MAU2: variants seen among roughly 807,000 people sequenced by gnomAD.
MAU2 encodes MAU2 chromatid cohesion factor homolog.
MAU2 carries 9 observed loss-of-function variants against 89.1 expected under a neutral mutation model. The ratio of observed to expected loss-of-function variants is 0.10; its 90% CI spans 0.06 to 0.18. MAU2 has a LOEUF of 0.18. Ranked by LOEUF, MAU2 falls within the 10% of genes least tolerant of loss-of-function variation. MAU2 has a pLI of 1.00. For missense variants in MAU2, 425 were observed against 803.5 expected, an observed-to-expected ratio of 0.53 and a Z score of 5.69; for synonymous variants, 357 against 343.4, an observed-to-expected ratio of 1.04 and a Z score of -0.44.
chr19:19,346,499 G>A (rs1235592679), intron 12 of MAU2, among the ~76,000 whole-genome samples: 13 of 151,998 alleles, frequency 8.6e-5, no homozygotes, highest in Non-Finnish European at 1.8e-4. Context: ...AAACACACAC[G>A]CCTCCTGTGG....
intron 1 of MAU2, among the ~76,000 whole-genome samples, chr19:19,326,254 A>T (rs1402443875): frequency 6.6e-6 from 1 of 151,950 alleles, no homozygotes; most frequent in Non-Finnish European, 1.5e-5. Flanking sequence ...AGAATCATCC[A>T]TTAAATGTCC....
At chr19:19,338,969 G>A (rs915182763) in intron 5 of MAU2, 30 bp downstream of exon 5, 2 of 1,572,186 alleles carry the variant, frequency 1.3e-6, no homozygotes, top group Non-Finnish European at 1.7e-6. Flanking sequence ...CTTCCCTCCT[G>A]CTCTGTTAAC....
At position 19,329,354 on chromosome 19, in the gene MAU2, G is replaced by A. The variant is rs551520707; in HGVS notation, c.277-6364G>A. Among the ~76,000 whole-genome samples the A allele has an allele frequency of 2.0e-5, 3 of 152,240 alleles. No individual in the cohort carries two copies. In the East Asian group the frequency reaches 5.8e-4, roughly 29 times the overall value. ...CCTCTGACTTCAGGATGTGAAATCT[G>A]TTTAGGAACCATCACCTCACGGTTC... On this transcript the variant is annotated intron_variant, in intron 1 of 18. Transcript: ENST00000262815.
chr19:19,345,438 G>T lies in MAU2; in HGVS notation c.1221+69G>T. 1.3e-6 allele frequency: 2 copies of T among 1,494,890 alleles called. No homozygotes were observed. The highest frequency in any genetic ancestry group is 1.4e-5 in the African/African-American group (1 of 72,674). 92.6% of individuals were successfully genotyped at this position (1,494,890 alleles called of 1,614,324 possible). A position where few individuals can be genotyped will look rare whatever the true frequency, so the allele number is the denominator to read the frequency against. Reference sequence around the variant, plus strand: ...CTGAGTAAGGAGTCGGGCGTGGTCTGTGATGAGGACAGCAGTCGCGCTAGG... The same window carrying T: ...CTGAGTAAGGAGTCGGGCGTGGTCTTTGATGAGGACAGCAGTCGCGCTAGG... On this transcript the variant is annotated intron_variant, in intron 12 of 18. Coordinates refer to ENST00000262815, the MANE Select transcript of MAU2 (RefSeq NM_015329.4). This position sits in a 1 kb window ranked among gnomAD's most constrained non-coding sequence, Gnocchi z 4.9.
At chr19:19,323,550 C>T (rs529709577) in intron 1 of MAU2, among the ~76,000 whole-genome samples, 9 of 152,034 alleles carry the variant, frequency 5.9e-5, no homozygotes, top group South Asian at 4.2e-4. Context: ...TCCATCACCC[C>T]GGCTGGGGTG....
At chr19:19,348,818 C>T in intron 13 of MAU2, 71 bp from the exon 14 acceptor site, 2 of 1,508,496 alleles carry the variant, frequency 1.3e-6, no homozygotes, top group South Asian at 2.2e-5. Context: ...TTCCCATGCA[C>T]TGCAGTGTGT....
At chr19:19,326,734 A>ATATATATATACACATATATATATGTG (rs1599889410) in intron 1 of MAU2, among the ~76,000 whole-genome samples, 4 of 128,034 alleles carry the variant, frequency 3.1e-5, no homozygotes, top group African/African-American at 1.1e-4. Flanking sequence ...ATATATATAT[A>ATATATATATACACATATATATATGTG]TACACAAAAA....
rs930421733 is a variant in MAU2, at chr19:19,350,703, A to C, written c.1548+1267A>C. 3.3e-5 allele frequency among the ~76,000 whole-genome samples: 5 copies of C among 151,720 alleles called. No individual in the cohort carries two copies. The South Asian group carries it at 6.2e-4, about 19-fold the overall frequency. On this transcript the variant is annotated intron_variant, in intron 16 of 18. Transcript: ENST00000262815. ...ATCACAAGGTCAGGAGATCGAGACCATCCTGGCTAACACGGTGAAACCCCG... is the reference window on the plus strand; with the variant it reads ...ATCACAAGGTCAGGAGATCGAGACCCTCCTGGCTAACACGGTGAAACCCCG...
intron 10 of MAU2, 171 bp from the exon 11 acceptor site, chr19:19,344,678 G>C: frequency 1.6e-6 from 1 of 634,430 alleles, no homozygotes; most frequent in Non-Finnish European, 2.9e-6. Flanking sequence ...TCCACGATGG[G>C]ATCTGGGCTG....
chr19:19,322,810 A>G (rs1439908154), intron 1 of MAU2, among the ~76,000 whole-genome samples: 1 of 152,194 alleles, frequency 6.6e-6, no homozygotes, highest in Non-Finnish European at 1.5e-5. Flanking sequence ...CTCAGCTAGT[A>G]ACAACTTGCC....
intron 1 of MAU2, among the ~76,000 whole-genome samples, chr19:19,327,041 G>T (rs1433970045): frequency 6.6e-6 from 1 of 150,838 alleles, no homozygotes; most frequent in African/African-American, 2.4e-5. Flanking sequence ...TAAACTCCGG[G>T]CCTCAAGCAA....
chr19:19,335,921 T>G (rs79055844), intron 2 of MAU2, among the ~76,000 whole-genome samples, 186 bp downstream of exon 2: 4 of 152,120 alleles, frequency 2.6e-5, no homozygotes, highest in African/African-American at 9.7e-5. Context: ...TTTGTGCTTC[T>G]CTTCGTACCT....
chr19:19,349,145 CT>C lies in MAU2; in HGVS notation c.1359-9del, dbSNP rs768892541. 1.2e-6 allele frequency: 2 copies of C among 1,614,018 alleles called. No homozygotes were observed. The highest frequency in any genetic ancestry group is 1.7e-6 in the Non-Finnish European group (2 of 1,180,000). ...TCACCACCCCATGTGATACTGCACTCTCCCTGCAGCTCGCACTGCCTCCGAG... is the reference window on the plus strand; with the variant it reads ...TCACCACCCCATGTGATACTGCACTCCCCTGCAGCTCGCACTGCCTCCGAG... On this transcript the variant is annotated splice_polypyrimidine_tract_variant and intron_variant, in intron 14 of 18. Transcript: ENST00000262815.
intron 1 of MAU2, among the ~76,000 whole-genome samples, chr19:19,330,664 C>T (rs192612592): frequency 2.0e-5 from 3 of 152,054 alleles, no homozygotes; most frequent in African/African-American, 4.8e-5. Context: ...CGCTTGAACC[C>T]GGGAGCCGGA....
At chr19:19,335,371 C>T (rs1040864090) in intron 1 of MAU2, among the ~76,000 whole-genome samples, 2 of 152,194 alleles carry the variant, frequency 1.3e-5, no homozygotes, top group African/African-American at 4.8e-5. Context: ...CGTGTGACAC[C>T]TGGGGGCCTT....
intron 16 of MAU2, chr19:19,352,231 T>A (rs2061751399): frequency 6.6e-6 from 1 of 151,908 alleles, no homozygotes; most frequent in Non-Finnish European, 1.5e-5. Context: ...CCACATCTAC[T>A]CTGTAGTTTA....
intron 10 of MAU2, chr19:19,344,455 T>G (rs1220955813): frequency 3.7e-6 from 1 of 270,366 alleles, no homozygotes; most frequent in Admixed American, 4.8e-5. Context: ...GCCCAAAAGC[T>G]TGCACACCAA....
At chr19:19,329,548 C>G (rs2061538218) in intron 1 of MAU2, among the ~76,000 whole-genome samples, 1 of 152,190 alleles carries the variant, frequency 6.6e-6, no homozygotes, top group Non-Finnish European at 1.5e-5. Context: ...CTCAGACTCA[C>G]CTGTGATGAC....
At chr19:19,348,576 C>G in intron 13 of MAU2, 1 of 532,698 alleles carries the variant, frequency 1.9e-6, no homozygotes, top group Non-Finnish European at 3.4e-6. Flanking sequence ...CTCACGGGCC[C>G]CAGCCTGCCA....
Sources: gnomAD v4.1 joint callset for allele counts (sites outside exome capture counted in the v4.1 genomes callset) on GRCh38, gnomAD v4.1.1 for gene constraint, Gnocchi (gnomAD v3.1) non-coding constraint, MANE v1.5 for transcripts, NCBI Gene and HGNC (gene_info 2026-07-23, HGNC 2026-07-21) for gene names.